Variants in MGAM observed in about 807,000 individuals in gnomAD.
MGAM encodes the protein alpha-1,4-glucosidase.
Under a neutral mutation model 358.8 loss-of-function variants are expected in MGAM, and 253 were observed. That is an observed-to-expected ratio of 0.71 (90% CI 0.64 to 0.78). MGAM has a LOEUF of 0.78. Ranked by LOEUF, MGAM falls within the 30% of genes least tolerant of loss-of-function variation. The pLI, the probability that MGAM is intolerant of heterozygous loss-of-function variation, is 0.00. For missense variants in MGAM, 3,080 were observed against 3,432.6 expected (o/e 0.90, Z 2.57); for synonymous variants, 1,105 against 1,227.1 (o/e 0.90, Z 2.08).
At chr7:141,995,622 G>A (rs1424491344), upstream of MGAM, among the ~76,000 whole-genome samples, 5 of 152,022 alleles carry the variant, frequency 3.3e-5, no homozygotes, top group Admixed American at 6.5e-5. Flanking sequence ...AGACATACAG[G>A]GTGTCCTCAC....
intron 9 of MGAM, 132 bp from the exon 10 acceptor site, chr7:142,027,478 A>C: frequency 9.3e-7 from 1 of 1,075,872 alleles, no homozygotes; most frequent in East Asian, 2.6e-5. Flanking sequence ...GGAAAAATAG[A>C]CTAACATTCT....
At chr7:141,987,668 G>A (rs1803773150) in intron 2 of MGAM, among the ~76,000 whole-genome samples, 1 of 152,190 alleles carries the variant, frequency 6.6e-6, no homozygotes, top group African/African-American at 2.4e-5. Flanking sequence ...AGCCATCTCT[G>A]AGGTGAGGAT....
At chr7:142,058,680 T>G (rs1563177757) in intron 31 of MGAM, among the ~76,000 whole-genome samples, 1 of 152,240 alleles carries the variant, frequency 6.6e-6, no homozygotes, top group Non-Finnish European at 1.5e-5. Context: ...TTCTTTTACT[T>G]AATTCTTGAA....
intron 21 of MGAM, 119 bp from the exon 22 acceptor site, chr7:142,047,666 A>G (rs774379125): frequency 1.9e-4 from 173 of 904,806 alleles, no homozygotes; most frequent in Middle Eastern, 8.7e-4. Flanking sequence ...GCCTGAAGAA[A>G]AGCAGAACCA....
At chr7:142,042,943 T>C (rs1241181243) in intron 21 of MGAM, among the ~76,000 whole-genome samples, 2 of 60,594 alleles carry the variant, frequency 3.3e-5, no homozygotes, top group Non-Finnish European at 5.6e-5. Context: ...ATATAATATA[T>C]ATATTATATA....
At chr7:142,075,373 C>G (rs1740514386) in intron 45 of MGAM, among the ~76,000 whole-genome samples, 1 of 146,102 alleles carries the variant, frequency 6.8e-6, no homozygotes, top group South Asian at 2.2e-4. Flanking sequence ...TTGACGTAGT[C>G]TTGGCAATGA....
In MGAM at chr7:142,040,866, T is replaced by G; in HGVS notation, c.2498+20T>G. 6.3e-7 allele frequency: 1 copy of G among 1,584,050 alleles called. No homozygotes were observed. Among genetic ancestry groups the G allele is most frequent in the Non-Finnish European group, 8.6e-7 (1 of 1,168,974 alleles). On this transcript the variant is annotated intron_variant, in intron 21 of 70. Transcript: ENST00000475668. ...GGCCAGGTATAGCATGGCTGGAGTG[T>G]CCTTTCAGAATTCATGTCCTTGCTT...
At position 142,056,042 on chromosome 7, in the gene MGAM, C is replaced by A. The variant is rs773079770; in HGVS notation, c.3526C>A (p.Leu1176Met). The A allele has an allele frequency of 2.4e-5, 38 of 1,612,062 alleles. No individual in the cohort carries two copies. Among genetic ancestry groups the A allele is most frequent in the Non-Finnish European group, 3.2e-5 (38 of 1,179,206 alleles). The change falls in exon 29 of 71, where the codon CTG becomes ATG. Residue 1176 changes from leucine (L) to methionine (M), a missense_variant. Physicochemically the swap from Leu to Met is conservative, Grantham distance 15. Coordinates refer to ENST00000475668, the MANE Select transcript of MGAM (RefSeq NM_001365693.1). Reference sequence around the variant, plus strand: ...TGGTGTCCACCCCTACTACATGGGGCTGGAGGAGGACGGCAGTGCCCATGG... The same window carrying A: ...TGGTGTCCACCCCTACTACATGGGGATGGAGGAGGACGGCAGTGCCCATGG... Reference protein sequence around the residue: ...SYGVHPYYMGLEEDGSAHGVL... With the variant: ...SYGVHPYYMGMEEDGSAHGVL...
chr7:142,088,253 G>A (rs1056089332), intron 57 of MGAM, among the ~76,000 whole-genome samples: 3 of 146,122 alleles, frequency 2.1e-5, no homozygotes, highest in African/African-American at 7.3e-5. Context: ...AGGCTGCTTG[G>A]CTATTGGACT....
chr7:142,057,872 AT>A (rs1811711792), intron 30 of MGAM, among the ~76,000 whole-genome samples: 1 of 152,230 alleles, frequency 6.6e-6, no homozygotes, highest in Non-Finnish European at 1.5e-5. Context: ...AGATTACTTA[AT>A]TTTTGCCCAA....
chr7:142,018,893 G>T (rs371481710), intron 3 of MGAM, among the ~76,000 whole-genome samples: 4 of 151,898 alleles, frequency 2.6e-5, no homozygotes, highest in African/African-American at 9.7e-5. Context: ...TGGATTACTG[G>T]TGATATAGCT....
rs1210759641 is a variant in MGAM at position 142,072,113 on chromosome 7, T to C, written c.5186+995T>C. 1.4e-5 allele frequency among the ~76,000 whole-genome samples: 2 copies of C among 146,066 alleles called. 1 individual carries two copies. Among genetic ancestry groups the C allele is most frequent in the East Asian group, 4.0e-4 (2 of 4,958 alleles). ...TTCTGTACAGTGATACCAAATTGAT[T>C]TTTCCAAAATGAAAATCTCAACTGG... On this transcript the variant is annotated intron_variant, in intron 44 of 70. Coordinates refer to ENST00000475668, the MANE Select transcript of MGAM (RefSeq NM_001365693.1).
chr7:142,062,112 A>T (rs1460967316), intron 34 of MGAM, among the ~76,000 whole-genome samples: 1 of 152,178 alleles, frequency 6.6e-6, no homozygotes, highest in African/African-American at 2.4e-5. Context: ...AATATCCAGA[A>T]ATGTAATCTT....
In MGAM at chr7:142,047,821, T is replaced by A; in HGVS notation, c.2535T>A (p.Asp845Glu). The change falls in exon 22 of 71, where the codon GAT (aspartate) becomes GAA (glutamate). Residue 845 changes from aspartate to glutamate, a missense_variant. Coordinates refer to ENST00000475668, the MANE Select transcript of MGAM (RefSeq NM_001365693.1). Reference sequence around the variant, plus strand: ...CTCTTGGTCTTATCATTGCCCTAGATGAGAACAAAGAAGCAAAAGGAGAAC... The same window carrying A: ...CTCTTGGTCTTATCATTGCCCTAGAAGAGAACAAAGAAGCAAAAGGAGAAC... The part of the protein sequence containing the change: ...KNPLGLIIAL[D>E]ENKEAKGELF... The A allele has an allele frequency of 6.2e-7, 1 of 1,612,198 alleles. No individual in the cohort carries two copies. The highest frequency in any genetic ancestry group is 8.5e-7 in the Non-Finnish European group (1 of 1,178,382).
At chr7:142,018,603 C>G (rs782077222) in intron 3 of MGAM, among the ~76,000 whole-genome samples, 4 of 152,168 alleles carry the variant, frequency 2.6e-5, no homozygotes, top group Admixed American at 6.5e-5. Context: ...TTGGCTTCTA[C>G]TTGATTCAGT....
chr7:141,990,353 G>A (rs1803892476), intron 2 of MGAM, among the ~76,000 whole-genome samples: 1 of 152,134 alleles, frequency 6.6e-6, no homozygotes, highest in African/African-American at 2.4e-5. Flanking sequence ...AGAGTCCCCT[G>A]TGGATACTTA....
chr7:142,100,859 C>T lies in MGAM; in HGVS notation c.7932C>T (p.Gly2644=), dbSNP rs1487015183. Residue 2644 remains glycine, a synonymous_variant, in exon 68 of 71, where the codon GGC becomes GGT. Coordinates refer to ENST00000475668, the MANE Select transcript of MGAM (RefSeq NM_001365693.1). ...IALDDEGTAG[G]WLFWDDGQSI... The stretch of plus-strand genomic sequence containing the variant: ...TGGATGATGAAGGAACTGCTGGGGG[C>T]TGGCTCTTCTGGGATGATGGGCAAA... 1 of 1,613,230 alleles carries T rather than the reference C, an allele frequency of 6.2e-7. No homozygotes were observed. The highest frequency in any genetic ancestry group is 2.2e-5 in the East Asian group (1 of 44,870).
In MGAM at chr7:142,040,867, C is replaced by A. The variant is rs781002478; in HGVS notation, c.2498+21C>A. The A allele has an allele frequency of 3.2e-6, 5 of 1,583,548 alleles. 1 individual carries two copies. In the Admixed American group the frequency reaches 9.5e-5, roughly 30 times the overall value. On this transcript the variant is annotated intron_variant, in intron 21 of 70. Coordinates refer to ENST00000475668, the MANE Select transcript of MGAM (RefSeq NM_001365693.1). ...GCCAGGTATAGCATGGCTGGAGTGT[C>A]CTTTCAGAATTCATGTCCTTGCTTA...
chr7:142,014,020 C>T (rs1234837602), intron 3 of MGAM, among the ~76,000 whole-genome samples: 1 of 152,152 alleles, frequency 6.6e-6, no homozygotes, highest in Non-Finnish European at 1.5e-5. Context: ...AGATTAATAA[C>T]CATTGGTCTA....
Sources: allele counts gnomAD v4.1 joint callset (sites outside exome capture counted in the v4.1 genomes callset), GRCh38; gene constraint gnomAD v4.1.1; transcripts MANE v1.5; gene names NCBI Gene and HGNC (gene_info 2026-07-23, HGNC 2026-07-21).